CSMD1: variants seen among roughly 807,000 people sequenced by gnomAD.
CSMD1 encodes CUB and Sushi multiple domains 1.
Under a neutral mutation model 417.5 loss-of-function variants are expected in CSMD1, and 213 were observed. The observed-to-expected ratio is 0.51, with a 90% CI of 0.46 to 0.57. The LOEUF is 0.57. Among genes scored for constraint, CSMD1 ranks in the 20% least tolerant of loss-of-function variants. The pLI, the probability that CSMD1 is intolerant of heterozygous loss-of-function variation, is 0.00. For synonymous variants in CSMD1, 2,862 were observed against 1,736.8 expected, an observed-to-expected ratio of 1.65 and a Z score of -16.11; for missense variants, 6,923 against 4,529.7, an observed-to-expected ratio of 1.53 and a Z score of -15.17.
At chr8:4,038,308 G>A (rs989531074) in intron 3 of CSMD1, among the ~76,000 whole-genome samples, 4 of 151,954 alleles carry the variant, frequency 2.6e-5, no homozygotes, top group East Asian at 1.9e-4. Context: ...ACCAAAAAAC[G>A]CAAAACAGAC....
rs77765585 is a variant in CSMD1, at chr8:4,098,344, A to G, written c.416-66245T>C. Among the ~76,000 whole-genome samples, 867 of 152,314 alleles carry G rather than the reference A, an allele frequency of 5.7e-3. 8 individuals carry two copies. The highest frequency in any genetic ancestry group is 0.019 in the African/African-American group (787 of 41,568). On this transcript the variant is annotated intron_variant, in intron 3 of 69. Coordinates refer to ENST00000635120, the MANE Select transcript of CSMD1 (RefSeq NM_033225.6). ...CACACTGAGAATAAATGCGTATCAT[A>G]ATAGTGTTGATCTTCACTATTTTTT...
intron 1 of CSMD1, among the ~76,000 whole-genome samples, chr8:4,769,133 T>A (rs1295190603): frequency 6.6e-6 from 1 of 152,204 alleles, no homozygotes; most frequent in Non-Finnish European, 1.5e-5. Flanking sequence ...CTCTATGACC[T>A]TGACCATTTA....
chr8:4,592,859 A>G (rs2130737434), intron 2 of CSMD1, among the ~76,000 whole-genome samples: 1 of 152,170 alleles, frequency 6.6e-6, no homozygotes, highest in Admixed American at 6.5e-5. Flanking sequence ...GAATTTCCAT[A>G]TTTATTGATT....
At chr8:4,543,576 G>A (rs527445961) in intron 2 of CSMD1, among the ~76,000 whole-genome samples, 18 of 139,330 alleles carry the variant, frequency 1.3e-4, no homozygotes, top group African/African-American at 4.3e-4. Context: ...GACTATAAAC[G>A]TTCATGCACA....
intron 7 of CSMD1, among the ~76,000 whole-genome samples, chr8:3,673,930 C>A (rs538347680): frequency 2.0e-5 from 3 of 152,064 alleles, no homozygotes; most frequent in African/African-American, 4.8e-5. Context: ...CGAGCCTGGG[C>A]AACATGGCAC....
At chr8:3,438,061 T>C (rs746929348) in intron 12 of CSMD1, among the ~76,000 whole-genome samples, 2 of 152,212 alleles carry the variant, frequency 1.3e-5, no homozygotes, top group African/African-American at 2.4e-5. Flanking sequence ...TAAGTATCCA[T>C]AGAATTTACC....
chr8:4,302,639 G>A (rs543528248), intron 3 of CSMD1, among the ~76,000 whole-genome samples: 8 of 152,276 alleles, frequency 5.3e-5, no homozygotes, highest in Non-Finnish European at 8.8e-5. Flanking sequence ...CTGACACAAA[G>A]GTCAAAACTA....
chr8:3,627,531 G>C (rs188182433), intron 7 of CSMD1, among the ~76,000 whole-genome samples: 1 of 152,112 alleles, frequency 6.6e-6, no homozygotes, highest in Non-Finnish European at 1.5e-5. Context: ...CTTTTAGTAT[G>C]TTCCTCATCA....
At chr8:4,160,379 G>A (rs1467397475) in intron 3 of CSMD1, among the ~76,000 whole-genome samples, 2 of 152,066 alleles carry the variant, frequency 1.3e-5, no homozygotes, top group Non-Finnish European at 2.9e-5. Flanking sequence ...TTGGAAATTT[G>A]GTGTTATGTT....
chr8:4,033,559 T>A (rs559393645), intron 3 of CSMD1, among the ~76,000 whole-genome samples: 3 of 152,206 alleles, frequency 2.0e-5, no homozygotes, highest in African/African-American at 7.2e-5. Context: ...AGTGTATTGA[T>A]TGATGTCTTA....
At chr8:4,073,085 C>A (rs900417144) in intron 3 of CSMD1, among the ~76,000 whole-genome samples, 3 of 152,104 alleles carry the variant, frequency 2.0e-5, no homozygotes, top group African/African-American at 7.2e-5. Context: ...TCTTTATGAT[C>A]CACTATGTCT....
chr8:3,522,733 G>T (rs1797559618), intron 10 of CSMD1, among the ~76,000 whole-genome samples: 1 of 152,028 alleles, frequency 6.6e-6, no homozygotes, highest in Non-Finnish European at 1.5e-5. Flanking sequence ...ACCTTAATAT[G>T]TGGCATTCGG....
intron 3 of CSMD1, among the ~76,000 whole-genome samples, chr8:4,334,522 T>C (rs1800052574): frequency 6.6e-6 from 1 of 152,164 alleles, no homozygotes; most frequent in Non-Finnish European, 1.5e-5. Flanking sequence ...ATGCATGAGC[T>C]AATTCCTTAA....
intron 2 of CSMD1, among the ~76,000 whole-genome samples, chr8:4,566,826 G>C (rs915507099): frequency 6.6e-6 from 1 of 151,976 alleles, no homozygotes; most frequent in Non-Finnish European, 1.5e-5. Flanking sequence ...AGTTATCTGG[G>C]CCTTACTGTA....
At chr8:4,696,341 G>C (rs1442072824) in intron 1 of CSMD1, among the ~76,000 whole-genome samples, 1 of 152,144 alleles carries the variant, frequency 6.6e-6, no homozygotes, top group Admixed American at 6.6e-5. Context: ...TTAGATTATT[G>C]TTTAGTTCAT....
intron 12 of CSMD1, among the ~76,000 whole-genome samples, chr8:3,448,328 C>G (rs540638293): frequency 0.058 from 109 of 1,870 alleles, 3 homozygotes; most frequent in South Asian, 0.13. Flanking sequence ...AGGAAGGGAG[C>G]AAGGGAGGGA....
At chr8:3,694,717 T>C (rs1364789665) in intron 7 of CSMD1, among the ~76,000 whole-genome samples, 1 of 151,714 alleles carries the variant, frequency 6.6e-6, no homozygotes, top group Admixed American at 6.6e-5. Flanking sequence ...GGGGAGAACC[T>C]GGAGGAAGCA....
chr8:4,134,015 G>A (rs1057404280), intron 3 of CSMD1, among the ~76,000 whole-genome samples: 8 of 152,092 alleles, frequency 5.3e-5, no homozygotes, highest in African/African-American at 1.9e-4. Context: ...TAATACTTCA[G>A]TATACATTTT....
chr8:3,108,988 G>C (rs1816330528), intron 43 of CSMD1, among the ~76,000 whole-genome samples: 1 of 152,196 alleles, frequency 6.6e-6, no homozygotes, highest in Non-Finnish European at 1.5e-5. Flanking sequence ...ACACTCACCG[G>C]TGCTGGTGGC....
Sources: gnomAD v4.1 joint callset for allele counts (sites outside exome capture counted in the v4.1 genomes callset) on GRCh38, gnomAD v4.1.1 for gene constraint, MANE v1.5 for transcripts, NCBI Gene and HGNC (gene_info 2026-07-23, HGNC 2026-07-21) for gene names.